Variants in PRDM6 observed in about 807,000 individuals in gnomAD.
PRDM6 encodes PR/SET domain 6, also known as putative histone-lysine N-methyltransferase PRDM6.
A neutral mutation model predicts 60.8 loss-of-function variants in PRDM6; 25 were observed. The ratio of observed to expected loss-of-function variants is 0.41; its 90% CI spans 0.30 to 0.57. The LOEUF is 0.57. Among genes scored for constraint, PRDM6 ranks in the 20% least tolerant of loss-of-function variants. The probability of loss-of-function intolerance (pLI) is 0.27; values close to 1 mark genes in which losing one functional copy is unlikely to be tolerated. For missense variants in PRDM6, 839 were observed against 821.3 expected, an observed-to-expected ratio of 1.02 and a Z score of -0.26; for synonymous variants, 407 against 357.4, an observed-to-expected ratio of 1.14 and a Z score of -1.57.
At chr5:123,094,874 G>T (rs139641410) in intron 2 of PRDM6, among the ~76,000 whole-genome samples, 1,550 of 152,222 alleles carry the variant, frequency 0.01, 17 homozygotes, top group African/African-American at 0.036. Context: ...TACAGTCATC[G>T]GAAGACAAAT....
At position 123,099,863 on chromosome 5, in the gene PRDM6, A is replaced by C; in HGVS notation, c.802A>C (p.Ile268Leu). The stretch of plus-strand genomic sequence containing the variant: ...CTACGGCATCTGCGCGGCGCAGAGG[A>C]TCCAGCAAGGCACCTGGATTGGACC... Reference protein sequence around the residue: ...LAYGICAAQRIQQGTWIGPFQ... With the variant: ...LAYGICAAQRLQQGTWIGPFQ... The change falls in exon 3 of 8, where the codon ATC becomes CTC. Residue 268 changes from isoleucine (I) to leucine (L), a missense_variant. Transcript: ENST00000407847. The surrounding 1 kb of genome is among the most constrained non-coding windows in gnomAD (Gnocchi z 4.0). 6.4e-7 allele frequency: 1 copy of C among 1,550,420 alleles called. No individual in the cohort carries two copies. The highest frequency in any genetic ancestry group is 1.2e-5 in the South Asian group (1 of 83,852).
chr5:123,182,876 A>G (rs965012110), intron 7 of PRDM6, among the ~76,000 whole-genome samples: 3 of 151,978 alleles, frequency 2.0e-5, no homozygotes, highest in Non-Finnish European at 2.9e-5. Flanking sequence ...GTGTATGCTT[A>G]TTTTGAAAGT....
intron 7 of PRDM6, among the ~76,000 whole-genome samples, chr5:123,184,665 C>T (rs1766242542): frequency 6.6e-6 from 1 of 152,142 alleles, no homozygotes; most frequent in African/African-American, 2.4e-5. Flanking sequence ...TCTGTTGAGT[C>T]AGTTCTGTTG....
chr5:123,148,650 G>T (rs1253571597), intron 3 of PRDM6, among the ~76,000 whole-genome samples: 17 of 151,482 alleles, frequency 1.1e-4, no homozygotes, highest in Admixed American at 1.1e-3. Flanking sequence ...GCAGAAATGG[G>T]GATTTGTGTC....
At chr5:123,168,219 G>C (rs1180570541) in intron 5 of PRDM6, among the ~76,000 whole-genome samples, 1 of 151,966 alleles carries the variant, frequency 6.6e-6, no homozygotes, top group Non-Finnish European at 1.5e-5. Flanking sequence ...ATAGAATAAA[G>C]ACATACATAC....
At chr5:123,124,549 T>C (rs1003635502) in intron 3 of PRDM6, among the ~76,000 whole-genome samples, 6 of 152,254 alleles carry the variant, frequency 3.9e-5, no homozygotes, top group African/African-American at 1.4e-4. Context: ...GGAATAAATC[T>C]GTTCTTTTAC....
intron 3 of PRDM6, among the ~76,000 whole-genome samples, chr5:123,142,692 G>T (rs1018805752): frequency 6.6e-6 from 1 of 151,938 alleles, no homozygotes; most frequent in Non-Finnish European, 1.5e-5. Context: ...GAGCAGCCCA[G>T]TGTAATCTGG....
intron 3 of PRDM6, among the ~76,000 whole-genome samples, chr5:123,128,015 G>A (rs928811000): frequency 1.3e-5 from 2 of 151,896 alleles, no homozygotes; most frequent in Non-Finnish European, 2.9e-5. Flanking sequence ...GAGAACATGC[G>A]GTGTTTGGTT....
intron 7 of PRDM6, among the ~76,000 whole-genome samples, chr5:123,180,626 C>A (rs1354629205): frequency 6.6e-6 from 1 of 152,142 alleles, no homozygotes; most frequent in Non-Finnish European, 1.5e-5. Context: ...TTTTTTCAGT[C>A]CCTGATGATC....
chr5:123,187,300 A>G lies in PRDM6; in HGVS notation c.*99A>G. Reference sequence around the variant, plus strand: ...GATTTCCTCTGAGCAACTTTCAATCAGTCCCAGAAAACCAAAAGCAGTAAT... The same window carrying G: ...GATTTCCTCTGAGCAACTTTCAATCGGTCCCAGAAAACCAAAAGCAGTAAT... On this transcript the variant is annotated 3_prime_UTR_variant, in exon 8 of 8. Coordinates refer to ENST00000407847, the MANE Select transcript of PRDM6 (RefSeq NM_001136239.4). 1 of 877,272 alleles carries G rather than the reference A, an allele frequency of 1.1e-6. No homozygotes were observed. Among genetic ancestry groups the G allele is most frequent in the South Asian group, 1.5e-5 (1 of 65,820 alleles). The allele number at this position is 877,272 out of a possible 1,614,324, so 54.3% of individuals were successfully genotyped here.
At chr5:123,110,444 A>T (rs139452416) in intron 3 of PRDM6, among the ~76,000 whole-genome samples, 1,798 of 151,396 alleles carry the variant, frequency 0.012, 29 homozygotes, top group African/African-American at 0.039. Flanking sequence ...TATTTAGTAG[A>T]GATGGGGTTT....
At chr5:123,152,103 G>C (rs561169847) in intron 3 of PRDM6, among the ~76,000 whole-genome samples, 106 of 152,290 alleles carry the variant, frequency 7.0e-4, no homozygotes, top group Non-Finnish European at 1.6e-4. Flanking sequence ...GGAAGCACAG[G>C]AGTGATGAAT....
chr5:123,153,022 A>G (rs1370580168), intron 3 of PRDM6, among the ~76,000 whole-genome samples: 2 of 152,180 alleles, frequency 1.3e-5, no homozygotes, highest in Non-Finnish European at 2.9e-5. Context: ...GATAAAAGAG[A>G]AAGAACAGAC....
At chr5:123,107,814 AGTGGTTTG>A (rs1259769614) in intron 3 of PRDM6, among the ~76,000 whole-genome samples, 1 of 152,240 alleles carries the variant, frequency 6.6e-6, no homozygotes, top group Non-Finnish European at 1.5e-5. Context: ...CAGGAAGTCC[AGTGGTTTG>A]GTGGCACCTT....
chr5:123,188,199 C>G lies in PRDM6; in HGVS notation c.*998C>G, dbSNP rs549331636. 6.6e-6 allele frequency: 1 copy of G among 152,148 alleles called. No homozygotes were observed. The highest frequency in any genetic ancestry group is 2.4e-5 in the African/African-American group (1 of 41,420). The allele number at this position is 152,148 out of a possible 1,614,324, so 9.4% of individuals were successfully genotyped here. A position where few individuals can be genotyped will look rare whatever the true frequency, so the allele number is the denominator to read the frequency against. ...CTTGCAGATGAACCCCAGGAGCCCC[C>G]TTTCCTCTCTCCTGAGTGTGGGAGG... On this transcript the variant is annotated 3_prime_UTR_variant, in exon 8 of 8. Transcript: ENST00000407847.
intron 3 of PRDM6, among the ~76,000 whole-genome samples, chr5:123,135,632 AG>A (rs1298136881): frequency 6.6e-6 from 1 of 152,182 alleles, no homozygotes; most frequent in Non-Finnish European, 1.5e-5. Flanking sequence ...GAGCCCTCTA[AG>A]CCATTAAACT....
At chr5:123,152,875 T>A (rs1296202013) in intron 3 of PRDM6, among the ~76,000 whole-genome samples, 1 of 152,228 alleles carries the variant, frequency 6.6e-6, no homozygotes, top group Non-Finnish European at 1.5e-5. Flanking sequence ...TGATTTGTAA[T>A]GAGTGAGAAA....
intron 4 of PRDM6, 96 bp downstream of exon 4, chr5:123,156,107 C>A: frequency 8.0e-7 from 1 of 1,242,632 alleles, no homozygotes; most frequent in South Asian, 1.6e-5. Flanking sequence ...AAAAATCCTG[C>A]AGAACTCTGC....
chr5:123,138,853 C>T (rs1336053416), intron 3 of PRDM6, among the ~76,000 whole-genome samples: 1 of 152,148 alleles, frequency 6.6e-6, no homozygotes, highest in Non-Finnish European at 1.5e-5. Context: ...ACCATGTTTC[C>T]TGCGCCTTCC....
Sources: gnomAD v4.1 joint callset for allele counts (sites outside exome capture counted in the v4.1 genomes callset) on GRCh38, gnomAD v4.1.1 for gene constraint, Gnocchi (gnomAD v3.1) non-coding constraint, MANE v1.5 for transcripts, NCBI Gene and HGNC (gene_info 2026-07-23, HGNC 2026-07-21) for gene names.